The following YAP1 variants were observed in gnomAD, a reference collection of about 807,000 sequenced individuals.
YAP1 encodes Yes1 associated transcriptional regulator, also known as transcriptional coactivator YAP1.
Under a neutral mutation model 56.9 loss-of-function variants are expected in YAP1, and 5 were observed. That is an observed-to-expected ratio of 0.09 (90% confidence interval 0.05 to 0.18). The LOEUF (loss-of-function observed/expected upper bound fraction) is 0.18, where lower values mean the gene tolerates loss of function less well. YAP1 is among the 10% of genes least tolerant of loss of function. YAP1 has a pLI of 1.00. For synonymous variants in YAP1, 265 were observed against 248.1 expected (o/e 1.07, Z -0.64); for missense variants, 539 against 651.8 (o/e 0.83, Z 1.88).
At chr11:102,176,880 G>A (rs1230580887) in intron 3 of YAP1, among the ~76,000 whole-genome samples, 1 of 151,838 alleles carries the variant, frequency 6.6e-6, no homozygotes, top group Non-Finnish European at 1.5e-5. Flanking sequence ...TGACACTTCT[G>A]GGTACTGGAA....
At chr11:102,173,939 T>C (rs1007302187) in intron 3 of YAP1, among the ~76,000 whole-genome samples, 1 of 152,216 alleles carries the variant, frequency 6.6e-6, no homozygotes, top group African/African-American at 2.4e-5. Context: ...TTGTTAGTCT[T>C]TGGTATTCTA....
At chr11:102,139,280 A>G (rs1591195684) in intron 2 of YAP1, among the ~76,000 whole-genome samples, 1 of 151,896 alleles carries the variant, frequency 6.6e-6, no homozygotes, top group East Asian at 1.9e-4. Flanking sequence ...GTGGAGTTGT[A>G]TTGGGTCTAT....
intron 2 of YAP1, among the ~76,000 whole-genome samples, chr11:102,136,717 A>G (rs1944695858): frequency 6.6e-6 from 1 of 152,202 alleles, no homozygotes; most frequent in African/African-American, 2.4e-5. Flanking sequence ...GACTATGTAT[A>G]TATGAGTGTA....
At chr11:102,192,980 C>T (rs772373109) in intron 4 of YAP1, among the ~76,000 whole-genome samples, 11 of 152,318 alleles carry the variant, frequency 7.2e-5, no homozygotes, top group Non-Finnish European at 1.0e-4. Flanking sequence ...CACTCTCAAA[C>T]TCTTGGAAGC....
chr11:102,165,537 G>A (rs1049152732), intron 3 of YAP1, among the ~76,000 whole-genome samples: 1 of 152,062 alleles, frequency 6.6e-6, no homozygotes, highest in Non-Finnish European at 1.5e-5. Context: ...AGGAGTGAGG[G>A]GGAGAAGGCA....
Position 102,210,367 on chromosome 11 carries a change from G to A in YAP1, c.1032+803G>A, listed in dbSNP as rs528383422. Among the ~76,000 whole-genome samples the A allele has an allele frequency of 7.3e-4, 111 of 152,292 alleles. 1 individual carries two copies. Among genetic ancestry groups the A allele is most frequent in the African/African-American group, 2.4e-3 (101 of 41,552 alleles). Reference sequence around the variant, plus strand: ...ACTTACTCTGCACTATGCTAAATAAGTACATTGTTTTAGAATCTGCTGTAG... The same window carrying A: ...ACTTACTCTGCACTATGCTAAATAAATACATTGTTTTAGAATCTGCTGTAG... On this transcript the variant is annotated intron_variant, in intron 6 of 8. Transcript: ENST00000282441.
At chr11:102,112,184 A>G (rs1051412012) in intron 1 of YAP1, among the ~76,000 whole-genome samples, 1 of 152,240 alleles carries the variant, frequency 6.6e-6, no homozygotes, top group African/African-American at 2.4e-5. Context: ...GCCTAGTTCA[A>G]CTGTGATTAA....
intron 2 of YAP1, among the ~76,000 whole-genome samples, chr11:102,141,695 T>C (rs948842289): frequency 1.3e-5 from 2 of 152,328 alleles, no homozygotes; most frequent in Non-Finnish European, 2.9e-5. Context: ...CAACATGTAA[T>C]TTTAGTATTT....
intron 8 of YAP1, among the ~76,000 whole-genome samples, chr11:102,228,720 G>A (rs1250312467): frequency 1.3e-5 from 2 of 151,216 alleles, no homozygotes; most frequent in Non-Finnish European, 2.9e-5. Flanking sequence ...GGGTAATTAC[G>A]GAAGCATTTC....
intron 3 of YAP1, among the ~76,000 whole-genome samples, chr11:102,172,300 A>ATTTT (rs752185861): frequency 3.7e-4 from 41 of 110,836 alleles, no homozygotes; most frequent in African/African-American, 5.9e-4. Context: ...ACAGTGAAGA[A>ATTTT]TTTTTTTTTT....
chr11:102,217,533 C>A (rs934030923), intron 6 of YAP1, among the ~76,000 whole-genome samples: 1 of 151,992 alleles, frequency 6.6e-6, no homozygotes, highest in Non-Finnish European at 1.5e-5. Flanking sequence ...GAATGAATCC[C>A]AAGATTATCA....
At chr11:102,176,978 T>G (rs953477388) in intron 3 of YAP1, among the ~76,000 whole-genome samples, 3 of 151,898 alleles carry the variant, frequency 2.0e-5, no homozygotes, top group Non-Finnish European at 4.4e-5. Flanking sequence ...AAGCAGCTGA[T>G]GAAGTAGGAG....
chr11:102,180,959 C>T (rs1222267026), intron 3 of YAP1, among the ~76,000 whole-genome samples: 5 of 151,612 alleles, frequency 3.3e-5, no homozygotes, highest in Non-Finnish European at 7.4e-5. Context: ...CCAGCCTGGG[C>T]AACATAATGA....
At chr11:102,164,567 C>T (rs1946485695) in intron 3 of YAP1, among the ~76,000 whole-genome samples, 1 of 152,116 alleles carries the variant, frequency 6.6e-6, no homozygotes, top group Non-Finnish European at 1.5e-5. Context: ...GTAAGTATTT[C>T]GCGTCTAACA....
rs907430846 is a variant in YAP1 at position 102,232,733 on chromosome 11, C to A, written c.*2793C>A. ...TTTTACAATAAACCAATTTTATAAT[C>A]TTTAAATTTATCAACTTTTTACATT... On this transcript the variant is annotated 3_prime_UTR_variant, in exon 9 of 9. Coordinates refer to ENST00000282441, the MANE Select transcript of YAP1 (RefSeq NM_001130145.3). The A allele has an allele frequency of 6.6e-6, 1 of 152,560 alleles. No homozygotes were observed. Among genetic ancestry groups the A allele is most frequent in the African/African-American group, 2.4e-5 (1 of 41,438 alleles). The allele number at this position is 152,560 out of a possible 1,614,324, so 9.5% of individuals were successfully genotyped here.
At chr11:102,158,718 C>T (rs1477743515) in intron 2 of YAP1, among the ~76,000 whole-genome samples, 2 of 152,184 alleles carry the variant, frequency 1.3e-5, no homozygotes, top group Admixed American at 6.5e-5. Flanking sequence ...GAGCACTAAC[C>T]TCCTACTAGT....
intron 2 of YAP1, among the ~76,000 whole-genome samples, chr11:102,116,540 CCA>C (rs1189848009): frequency 6.6e-5 from 10 of 152,092 alleles, no homozygotes; most frequent in Non-Finnish European, 1.5e-5. Context: ...CCTTCCAACC[CCA>C]GTCACCTCAA....
At chr11:102,188,915 T>A (rs904420670) in intron 4 of YAP1, among the ~76,000 whole-genome samples, 1 of 151,042 alleles carries the variant, frequency 6.6e-6, no homozygotes, top group African/African-American at 2.4e-5. Context: ...TTGGGTTTTT[T>A]AATGATTTTT....
At chr11:102,226,776 A>G (rs1208774230) in intron 7 of YAP1, among the ~76,000 whole-genome samples, 1 of 152,128 alleles carries the variant, frequency 6.6e-6, no homozygotes, top group Non-Finnish European at 1.5e-5. Flanking sequence ...AACTGGAGCT[A>G]TATGATTTCC....
Sources: gnomAD v4.1 joint callset for allele counts (sites outside exome capture counted in the v4.1 genomes callset) on GRCh38, gnomAD v4.1.1 for gene constraint, MANE v1.5 for transcripts, NCBI Gene and HGNC (gene_info 2026-07-23, HGNC 2026-07-21) for gene names.